The following HEBP2 variants were observed in gnomAD, a reference collection of about 807,000 sequenced individuals.
HEBP2 encodes the protein heme binding protein 2.
A neutral mutation model predicts 23.1 loss-of-function variants in HEBP2; 27 were observed. The ratio of observed to expected loss-of-function variants is 1.17; its 90% CI spans 0.86 to 1.61. The LOEUF is 1.61. Ranked by LOEUF, HEBP2 falls within the 40% of genes most tolerant of loss-of-function variation. HEBP2 has a pLI of 0.00. For synonymous variants in HEBP2, 99 were observed against 95.1 expected (o/e 1.04, Z -0.24); for missense variants, 245 against 253.8 (o/e 0.97, Z 0.24).
rs1009421176 is a variant in HEBP2 at position 138,422,135 on chromosome 6, G to A, written c.*9057G>A. 2 of 152,130 alleles carry A rather than the reference G, an allele frequency of 1.3e-5. No homozygotes were observed. Among genetic ancestry groups the A allele is most frequent in the Admixed American group, 1.3e-4 (2 of 15,276 alleles). 9.4% of individuals were successfully genotyped at this position (152,130 alleles called of 1,614,324 possible). A position where few individuals can be genotyped will look rare whatever the true frequency, so the allele number is the denominator to read the frequency against. On this transcript the variant is annotated 3_prime_UTR_variant, in exon 4 of 4. Transcript: ENST00000607197. Reference sequence around the variant, plus strand: ...ATTTAAAAATAGTTTTATAATTAGTGTTATGTTGCTTTATCTTATCTTTGC... The same window carrying A: ...ATTTAAAAATAGTTTTATAATTAGTATTATGTTGCTTTATCTTATCTTTGC...
chr6:138,406,112 T>C lies in HEBP2; in HGVS notation c.380T>C (p.Val127Ala). 6.2e-7 allele frequency: 1 copy of C among 1,614,102 alleles called. No homozygotes were observed. The highest frequency in any genetic ancestry group is 8.5e-7 in the Non-Finnish European group (1 of 1,180,010). The change falls in exon 3 of 4, where the codon GTC becomes GCC. Residue 127 changes from valine (V) to alanine (A), a missense_variant. By Grantham distance (64) the Val-to-Ala change is moderately conservative. Coordinates refer to ENST00000607197, the MANE Select transcript of HEBP2 (RefSeq NM_014320.3). ...CCACCCAGGCCTTTAGAGTCAGATG[T>C]CTTCATTGAAGATAGAGCCGAAATG... Reference protein sequence around the residue: ...FDPPRPLESDVFIEDRAEMTV... With the variant: ...FDPPRPLESDAFIEDRAEMTV...
intron 3 of HEBP2, among the ~76,000 whole-genome samples, chr6:138,406,915 C>T (rs572467460): frequency 1.1e-4 from 16 of 152,172 alleles, no homozygotes; most frequent in African/African-American, 3.4e-4. Context: ...CCTGTGGTCC[C>T]AGCTACTTGG....
Position 138,404,458 on chromosome 6 carries a change from G to T in HEBP2, c.-38G>T. ...GGGCGGCCCGGGGTGCGGGGCCTCT[G>T]CGCGGCTGACCAGGCTCCCAGAGCG... On this transcript the variant is annotated 5_prime_UTR_variant, in exon 1 of 4. Transcript: ENST00000607197. 1 of 1,234,668 alleles carries T rather than the reference G, an allele frequency of 8.1e-7. No individual in the cohort carries two copies. Among genetic ancestry groups the T allele is most frequent in the Non-Finnish European group, 1.0e-6 (1 of 985,422 alleles). 76.5% of individuals were successfully genotyped at this position (1,234,668 alleles called of 1,614,324 possible). A position where few individuals can be genotyped will look rare whatever the true frequency, so the allele number is the denominator to read the frequency against.
rs938680997 is a variant in HEBP2 at position 138,414,512 on chromosome 6, G to C, written c.*1434G>C. On this transcript the variant is annotated 3_prime_UTR_variant, in exon 4 of 4. Transcript: ENST00000607197. ...TCAGTTTTATTCAGGATTTGAAGTG[G>C]TGGCAGACAACGTGAGGTGTGCCAC... The C allele has an allele frequency of 6.6e-6, 1 of 151,996 alleles. No homozygotes were observed. Among genetic ancestry groups the C allele is most frequent in the Admixed American group, 6.6e-5 (1 of 15,266 alleles). 9.4% of individuals were successfully genotyped at this position (151,996 alleles called of 1,614,324 possible). A position where few individuals can be genotyped will look rare whatever the true frequency, so the allele number is the denominator to read the frequency against.
At position 138,404,337 on chromosome 6, in the gene HEBP2, C is replaced by T. The variant is rs1206839062; in HGVS notation, c.-159C>T. ...CCCCCTCGCGGTCCAGAGGCAGACGCATCGGGTGGGCTCGGGTCTCCAGCC... is the reference window on the plus strand; with the variant it reads ...CCCCCTCGCGGTCCAGAGGCAGACGTATCGGGTGGGCTCGGGTCTCCAGCC... On this transcript the variant is annotated 5_prime_UTR_variant, in exon 1 of 4. Coordinates refer to ENST00000607197, the MANE Select transcript of HEBP2 (RefSeq NM_014320.3). The T allele has an allele frequency of 5.2e-6, 2 of 387,310 alleles. No individual in the cohort carries two copies. Among genetic ancestry groups the T allele is most frequent in the African/African-American group, 2.1e-5 (1 of 47,358 alleles). 24.0% of individuals were successfully genotyped at this position (387,310 alleles called of 1,614,324 possible).
At chr6:138,410,427 G>A (rs1378257834) in intron 3 of HEBP2, among the ~76,000 whole-genome samples, 1 of 151,594 alleles carries the variant, frequency 6.6e-6, no homozygotes, top group African/African-American at 2.4e-5. Flanking sequence ...GCTAAGCATT[G>A]GTTATTCATC....
Position 138,404,534 on chromosome 6 carries a change from G to A in HEBP2, c.39G>A (p.Glu13=). ...EPLQPDPGAA[E]DAAAQAVETP... The stretch of plus-strand genomic sequence containing the variant: ...TCCAGCCAGACCCCGGGGCGGCCGA[G>A]GACGCGGCGGCCCAAGCTGTGGAGA... The change falls in exon 1 of 4, where the codon GAG becomes GAA. Residue 13 remains glutamate, a synonymous_variant. Transcript: ENST00000607197. 6 of 1,315,158 alleles carry A rather than the reference G, an allele frequency of 4.6e-6. No homozygotes were observed. The highest frequency in any genetic ancestry group is 4.8e-6 in the Non-Finnish European group (5 of 1,031,962). The allele number at this position is 1,315,158 out of a possible 1,614,324, so 81.5% of individuals were successfully genotyped here.
At chr6:138,407,858 C>T (rs1174962782) in intron 3 of HEBP2, among the ~76,000 whole-genome samples, 1 of 152,206 alleles carries the variant, frequency 6.6e-6, no homozygotes, top group Non-Finnish European at 1.5e-5. Flanking sequence ...ACAGCCCAGG[C>T]CACACCTCAG....
chr6:138,421,035 G>A lies in HEBP2; in HGVS notation c.*7957G>A, dbSNP rs12208658. 0.23 allele frequency: 34,704 copies of A among 152,094 alleles called. 4,576 individuals are homozygous for A. Among genetic ancestry groups the A allele is most frequent in the Non-Finnish European group, 0.29 (19,948 of 67,988 alleles). 9.4% of individuals were successfully genotyped at this position (152,094 alleles called of 1,614,324 possible). A position where few individuals can be genotyped will look rare whatever the true frequency, so the allele number is the denominator to read the frequency against. Reference sequence around the variant, plus strand: ...CTTGTTCTGTGAATAAAGGCTGGCCGCTGTGGAAGGTAGGTCAGAGCAGGC... The same window carrying A: ...CTTGTTCTGTGAATAAAGGCTGGCCACTGTGGAAGGTAGGTCAGAGCAGGC... On this transcript the variant is annotated 3_prime_UTR_variant, in exon 4 of 4. Coordinates refer to ENST00000607197, the MANE Select transcript of HEBP2 (RefSeq NM_014320.3).
In HEBP2 at chr6:138,406,050, C is replaced by T; in HGVS notation, c.318C>T (p.Thr106=). 1 of 1,614,080 alleles carries T rather than the reference C, an allele frequency of 6.2e-7. No homozygotes were observed. The highest frequency in any genetic ancestry group is 8.5e-7 in the Non-Finnish European group (1 of 1,179,928). ...GTCCTTTTAGTGAGTCTACCATTAC[C>T]ATTTCCCTGTATATTCCCTCTGAAC... ...GSGPFSESTI[T]ISLYIPSEQQ... is the part of the protein sequence containing the mutation. The change falls in exon 3 of 4, where the codon ACC becomes ACT. Residue 106 remains threonine, a synonymous_variant. Transcript: ENST00000607197.
At chr6:138,408,019 A>G (rs1424919234) in intron 3 of HEBP2, among the ~76,000 whole-genome samples, 1 of 152,162 alleles carries the variant, frequency 6.6e-6, no homozygotes, top group Non-Finnish European at 1.5e-5. Context: ...CAGGCACTGA[A>G]ACTTGGCATG....
rs954314493 is a variant in HEBP2 at position 138,413,299 on chromosome 6, G to A, written c.*221G>A. The A allele has an allele frequency of 1.8e-5, 8 of 445,948 alleles. No individual in the cohort carries two copies. The highest frequency in any genetic ancestry group is 2.8e-5 in the Non-Finnish European group (7 of 248,990). 27.6% of individuals were successfully genotyped at this position (445,948 alleles called of 1,614,324 possible). A position where few individuals can be genotyped will look rare whatever the true frequency, so the allele number is the denominator to read the frequency against. ...AACATATAAATCGGTCATAACTATC[G>A]TGGTCTTTATTTCTGTGAGGATCTA... On this transcript the variant is annotated 3_prime_UTR_variant, in exon 4 of 4. Transcript: ENST00000607197.
At chr6:138,406,214 T>C in intron 3 of HEBP2, 63 bp downstream of exon 3, 6 of 1,422,126 alleles carry the variant, frequency 4.2e-6, no homozygotes, top group Non-Finnish European at 5.9e-6. Flanking sequence ...ACTCACAGTT[T>C]AGCTCCAATG....
chr6:138,412,744 T>A, intron 3 of HEBP2, 136 bp from the exon 4 acceptor site: 1 of 719,318 alleles, frequency 1.4e-6, no homozygotes, highest in Non-Finnish European at 2.3e-6. Flanking sequence ...GTGAGCCACC[T>A]CGCCTGGCCG....
At chr6:138,403,582 G>A (rs1417268592), upstream of HEBP2, 4 of 463,422 alleles carry the variant, frequency 8.6e-6, no homozygotes, top group South Asian at 3.7e-5. Context: ...CCTCTGGGGG[G>A]CGCCGGAGCC....
chr6:138,412,984 A>G lies in HEBP2; in HGVS notation c.524A>G (p.Tyr175Cys). ...AAAGTTTTCGATGAGAAGGTTTACT[A>G]CACTGCAGGCTACAACAGTCCTGTC... ...DGKVFDEKVY[Y>C]TAGYNSPVKL... is the part of the protein sequence containing the mutation. Residue 175 changes from tyrosine (Y) to cysteine (C), a missense_variant, in exon 4 of 4, where the codon TAC (tyrosine) becomes TGC (cysteine). Transcript: ENST00000607197. 1.2e-6 allele frequency: 2 copies of G among 1,614,058 alleles called. No homozygotes were observed. Among genetic ancestry groups the G allele is most frequent in the South Asian group, 2.2e-5 (2 of 91,082 alleles).
rs575159075 is a variant in HEBP2 at position 138,421,569 on chromosome 6, A to T, written c.*8491A>T. On this transcript the variant is annotated 3_prime_UTR_variant, in exon 4 of 4. Transcript: ENST00000607197. ...GGCTGGGGCTTCTGTGATTATCTGGAACTTAAAGTATGAGGGTATGAGAGC... is the reference window on the plus strand; with the variant it reads ...GGCTGGGGCTTCTGTGATTATCTGGTACTTAAAGTATGAGGGTATGAGAGC... The T allele has an allele frequency of 3.9e-5, 6 of 152,292 alleles. No homozygotes were observed. Among genetic ancestry groups the T allele is most frequent in the African/African-American group, 1.4e-4 (6 of 41,554 alleles). The allele number at this position is 152,292 out of a possible 1,614,324, so 9.4% of individuals were successfully genotyped here.
chr6:138,412,498 G>T (rs1243621354), intron 3 of HEBP2, among the ~76,000 whole-genome samples: 1 of 152,048 alleles, frequency 6.6e-6, no homozygotes, highest in Non-Finnish European at 1.5e-5. Flanking sequence ...CTGTCGCCCA[G>T]GCTGGAGTGC....
At chr6:138,405,010 A>T in intron 1 of HEBP2, 135 bp from the exon 2 acceptor site, 1 of 879,940 alleles carries the variant, frequency 1.1e-6, no homozygotes, top group Non-Finnish European at 1.7e-6. Flanking sequence ...CGGGGACCTC[A>T]GGCCGGACCC....
Sources: gnomAD v4.1 joint callset for allele counts (sites outside exome capture counted in the v4.1 genomes callset) on GRCh38, gnomAD v4.1.1 for gene constraint, MANE v1.5 for transcripts, NCBI Gene and HGNC (gene_info 2026-07-23, HGNC 2026-07-21) for gene names.